The following ARL15 variants were observed in gnomAD, a reference collection of about 807,000 sequenced individuals.
The protein encoded by ARL15 is ADP-ribosylation factor-like protein 15.
ARL15 carries 19 observed loss-of-function variants against 25.2 expected under a neutral mutation model. The ratio of observed to expected loss-of-function variants is 0.75; its 90% CI spans 0.53 to 1.10. ARL15 has a LOEUF of 1.10. ARL15 is among the 50% of genes least tolerant of loss of function. ARL15 has a pLI of 0.00. For synonymous variants in ARL15, 94 were observed against 86.8 expected (o/e 1.08, Z -0.46); for missense variants, 220 against 246.0 (o/e 0.89, Z 0.71).
chr5:54,264,597 C>G (rs1351058076), intron 1 of ARL15, among the ~76,000 whole-genome samples: 2 of 152,146 alleles, frequency 1.3e-5, no homozygotes, highest in Non-Finnish European at 2.9e-5. Flanking sequence ...CCTCTATTCT[C>G]TCAGTCACTC....
chr5:54,033,748 G>A (rs1261509443), intron 4 of ARL15, among the ~76,000 whole-genome samples: 1 of 151,568 alleles, frequency 6.6e-6, no homozygotes, highest in Non-Finnish European at 1.5e-5. Context: ...AAATACCACA[G>A]AAATAATAGT....
chr5:54,232,105 A>C (rs1756687870), intron 1 of ARL15, among the ~76,000 whole-genome samples: 1 of 152,128 alleles, frequency 6.6e-6, no homozygotes. Context: ...TTGCTTAACT[A>C]ACCCCTCACT....
At chr5:53,927,531 C>T (rs1746069804) in intron 4 of ARL15, among the ~76,000 whole-genome samples, 1 of 152,158 alleles carries the variant, frequency 6.6e-6, no homozygotes, top group African/African-American at 2.4e-5. Flanking sequence ...AATAAAGTTT[C>T]CCTAGGTCCG....
rs2111865825 is a variant in ARL15, at chr5:53,884,176, G to A, written c.*2385C>T. 1 of 152,214 alleles carries A rather than the reference G, an allele frequency of 6.6e-6. No homozygotes were observed. Among genetic ancestry groups the A allele is most frequent in the East Asian group, 1.9e-4 (1 of 5,186 alleles). The allele number at this position is 152,214 out of a possible 1,614,324, so 9.4% of individuals were successfully genotyped here. On this transcript the variant is annotated 3_prime_UTR_variant, in exon 5 of 5. Transcript: ENST00000504924. ...TATAAATTAATTGCCATTACAAAAA[G>A]GCAACTGCTTTAGCTAAGAAGGTAC... is the stretch of plus-strand genomic sequence containing the variant.
intron 4 of ARL15, among the ~76,000 whole-genome samples, chr5:53,981,181 A>G (rs560216843): frequency 2.8e-4 from 42 of 152,314 alleles, no homozygotes; most frequent in African/African-American, 9.9e-4. Flanking sequence ...GATCCAGAAA[A>G]AAAAATCCTA....
chr5:54,054,239 A>G (rs1207137340), intron 4 of ARL15, among the ~76,000 whole-genome samples: 1 of 152,176 alleles, frequency 6.6e-6, no homozygotes, highest in Non-Finnish European at 1.5e-5. Flanking sequence ...GCACAGTCTT[A>G]TTACACATGT....
chr5:53,943,562 T>C (rs1249467074), intron 4 of ARL15, among the ~76,000 whole-genome samples: 1 of 152,194 alleles, frequency 6.6e-6, no homozygotes, highest in Non-Finnish European at 1.5e-5. Flanking sequence ...GTTTTTCTGA[T>C]GCAGGTATGG....
chr5:54,058,765 T>A (rs1472498654), intron 4 of ARL15, among the ~76,000 whole-genome samples: 1 of 152,118 alleles, frequency 6.6e-6, no homozygotes, highest in Non-Finnish European at 1.5e-5. Flanking sequence ...CTTTTGCTTT[T>A]CCCCATGGGA....
intron 3 of ARL15, among the ~76,000 whole-genome samples, chr5:54,148,097 G>C (rs907486417): frequency 6.6e-6 from 1 of 152,172 alleles, no homozygotes; most frequent in Non-Finnish European, 1.5e-5. Context: ...TCTGACGAAA[G>C]AAAGCTTTAT....
intron 1 of ARL15, among the ~76,000 whole-genome samples, chr5:54,295,790 G>A (rs929941060): frequency 7.2e-5 from 11 of 152,194 alleles, no homozygotes; most frequent in African/African-American, 1.9e-4. Flanking sequence ...CCAATAAATC[G>A]TCCCAATGCT....
At chr5:54,078,462 C>A (rs1384957081) in intron 4 of ARL15, among the ~76,000 whole-genome samples, 1 of 152,186 alleles carries the variant, frequency 6.6e-6, no homozygotes, top group Non-Finnish European at 1.5e-5. Context: ...AGCTCAGTAA[C>A]TCCTTCGGGG....
chr5:54,025,236 T>C (rs902632305), intron 4 of ARL15, among the ~76,000 whole-genome samples: 1 of 149,818 alleles, frequency 6.7e-6, no homozygotes, highest in African/African-American at 2.5e-5. Context: ...TTTTCTTATA[T>C]CTGCTAGTTG....
chr5:54,028,568 G>A (rs1749864474), intron 4 of ARL15, among the ~76,000 whole-genome samples: 2 of 150,222 alleles, frequency 1.3e-5, no homozygotes, highest in South Asian at 2.1e-4. Context: ...TTCTAGCAAA[G>A]TGTTAGTTTC....
At chr5:54,291,869 C>A (rs562595032) in intron 1 of ARL15, among the ~76,000 whole-genome samples, 1 of 152,314 alleles carries the variant, frequency 6.6e-6, no homozygotes, top group South Asian at 2.1e-4. Context: ...CTGCCAGACC[C>A]TACGGAATCT....
intron 4 of ARL15, chr5:54,048,380 A>G (rs1280753831): frequency 1.5e-5 from 2 of 135,696 alleles, no homozygotes; most frequent in African/African-American, 3.0e-5. Flanking sequence ...TTTATAAATT[A>G]TATATATATA....
At chr5:54,077,233 T>C (rs1048438694) in intron 4 of ARL15, among the ~76,000 whole-genome samples, 3 of 152,178 alleles carry the variant, frequency 2.0e-5, no homozygotes, top group Non-Finnish European at 1.5e-5. Flanking sequence ...TAAGGATATC[T>C]ACTACTCAAA....
rs151048483 is a variant in ARL15 at position 54,120,627 on chromosome 5, A to G, written c.254-7217T>C. Among the ~76,000 whole-genome samples, 64 of 152,316 alleles carry G rather than the reference A, an allele frequency of 4.2e-4. No homozygotes were observed. The East Asian group carries it at 0.012, about 29-fold the overall frequency. ...ACTCCTTAGAAGAACCACAGATGCC[A>G]AGGGGATCACAACTTGCATAGTTCC... On this transcript the variant is annotated intron_variant, in intron 3 of 4. Coordinates refer to ENST00000504924, the MANE Select transcript of ARL15 (RefSeq NM_019087.3).
At position 54,305,045 on chromosome 5, in the gene ARL15, T is replaced by A. The variant is rs375314048; in HGVS notation, c.48+5387A>T. On this transcript the variant is annotated intron_variant, in intron 1 of 4. Transcript: ENST00000504924. ...TTTTATCCTGCAAATGGTGACAGAT[T>A]TGTGATGATCAACCCAATTCTCTCA... Among the ~76,000 whole-genome samples, 152 of 152,314 alleles carry A rather than the reference T, an allele frequency of 1.0e-3. 1 individual carries two copies. Among genetic ancestry groups the A allele is most frequent in the African/African-American group, 3.4e-3 (141 of 41,562 alleles).
Position 54,089,060 on chromosome 5 carries a change from T to G in ARL15, c.462+24142A>C, listed in dbSNP as rs1002553016. ...TGTTAGAATCTCAAAAAGAAGTAAC[T>G]TGGTAATGCAAAGTAATGCTATTCA... is the stretch of plus-strand genomic sequence containing the variant. On this transcript the variant is annotated intron_variant, in intron 4 of 4. Transcript: ENST00000504924. Among the ~76,000 whole-genome samples the G allele has an allele frequency of 5.3e-5, 8 of 152,266 alleles. No homozygotes were observed. In the East Asian group the frequency reaches 1.5e-3, roughly 29 times the overall value.
Sources: gnomAD v4.1 joint callset for allele counts (sites outside exome capture counted in the v4.1 genomes callset) on GRCh38, gnomAD v4.1.1 for gene constraint, MANE v1.5 for transcripts, NCBI Gene and HGNC (gene_info 2026-07-23, HGNC 2026-07-21) for gene names.